PRELID2: variants seen among roughly 807,000 people sequenced by gnomAD.
PRELID2 encodes PRELI domain containing 2.
A neutral mutation model predicts 28.4 loss-of-function variants in PRELID2; 25 were observed. The observed-to-expected ratio is 0.88, with a 90% confidence interval of 0.64 to 1.23. The LOEUF (loss-of-function observed/expected upper bound fraction) is 1.23. Ranked by LOEUF, PRELID2 falls within the 50% of genes most tolerant of loss-of-function variation. The pLI, the probability that PRELID2 is intolerant of heterozygous loss-of-function variation, is 0.00. For synonymous variants in PRELID2, 76 were observed against 71.6 expected, an observed-to-expected ratio of 1.06 and a Z score of -0.31; for missense variants, 201 against 214.4, an observed-to-expected ratio of 0.94 and a Z score of 0.39.
At chr5:145,700,021 C>T (rs944247967) in intron 1 of PRELID2, among the ~76,000 whole-genome samples, 4 of 152,132 alleles carry the variant, frequency 2.6e-5, no homozygotes, top group African/African-American at 9.7e-5. Flanking sequence ...AGAGCAACCA[C>T]AGACATGGAT....
chr5:145,807,871 T>C (rs1037679667), intron 4 of PRELID2, among the ~76,000 whole-genome samples: 2 of 152,240 alleles, frequency 1.3e-5, no homozygotes, highest in South Asian at 2.1e-4. Flanking sequence ...GTGACCTCAG[T>C]GCACAGCCAC....
At chr5:145,735,876 T>G (rs185613985) in intron 1 of PRELID2, among the ~76,000 whole-genome samples, 147 of 152,314 alleles carry the variant, frequency 9.7e-4, no homozygotes, top group African/African-American at 3.5e-3. Context: ...AAATGGATGA[T>G]CAGCATGACC....
At chr5:145,607,831 T>C (rs1444453799) in intron 1 of PRELID2, among the ~76,000 whole-genome samples, 2 of 152,200 alleles carry the variant, frequency 1.3e-5, no homozygotes, top group Non-Finnish European at 2.9e-5. Context: ...TGTCTAATAC[T>C]GTCAGTGGGG....
At chr5:145,528,396 C>A (rs1036162149) in intron 1 of PRELID2, among the ~76,000 whole-genome samples, 2 of 152,040 alleles carry the variant, frequency 1.3e-5, no homozygotes, top group Non-Finnish European at 2.9e-5. Flanking sequence ...ATAAATAAAT[C>A]TATAATGACG....
chr5:145,768,136 A>T (rs990556264), intron 5 of PRELID2, among the ~76,000 whole-genome samples: 8 of 151,202 alleles, frequency 5.3e-5, no homozygotes, highest in African/African-American at 1.9e-4. Flanking sequence ...AAGACAGGAG[A>T]ATTGCTTGAA....
intron 1 of PRELID2, among the ~76,000 whole-genome samples, chr5:145,522,243 A>G (rs1424993250): frequency 6.6e-6 from 1 of 152,190 alleles, no homozygotes; most frequent in African/African-American, 2.4e-5. Context: ...ATATCTATCC[A>G]GTCCCTTTTG....
chr5:145,311,727 T>C, the PRELID2 span, among the ~76,000 whole-genome samples: 30 of 152,252 alleles, frequency 2.0e-4, no homozygotes, highest in Admixed American at 9.2e-4. Context: ...TGTTGAGTGA[T>C]TCCCATTACT....
intron 1 of PRELID2, among the ~76,000 whole-genome samples, chr5:145,541,538 C>A (rs1752745312): frequency 1.3e-5 from 2 of 151,936 alleles, no homozygotes; most frequent in African/African-American, 2.4e-5. Context: ...CAGAATGATT[C>A]CATGATGTTT....
chr5:145,501,759 A>C (rs985678828), intron 1 of PRELID2, among the ~76,000 whole-genome samples: 20 of 152,142 alleles, frequency 1.3e-4, no homozygotes, highest in African/African-American at 4.1e-4. Flanking sequence ...CCTAATTCAT[A>C]AGTGTCACCT....
chr5:145,387,478 G>C, the PRELID2 span, among the ~76,000 whole-genome samples: 1 of 152,108 alleles, frequency 6.6e-6, no homozygotes, highest in Non-Finnish European at 1.5e-5. Context: ...ACTTGACCCA[G>C]GGATGTTAGA....
intron 4 of PRELID2, among the ~76,000 whole-genome samples, chr5:145,817,639 A>C (rs1211980492): frequency 6.6e-6 from 1 of 151,990 alleles, no homozygotes; most frequent in Non-Finnish European, 1.5e-5. Flanking sequence ...GCAAACTGAT[A>C]ACACTCACTA....
At chr5:145,665,477 C>T (rs1310812156) in intron 1 of PRELID2, among the ~76,000 whole-genome samples, 3 of 152,120 alleles carry the variant, frequency 2.0e-5, no homozygotes, top group Admixed American at 6.6e-5. Context: ...TCTGCTTACA[C>T]GTCTCCATAC....
the PRELID2 span, among the ~76,000 whole-genome samples, chr5:145,249,069 A>C: frequency 6.6e-6 from 1 of 152,150 alleles, no homozygotes; most frequent in Non-Finnish European, 1.5e-5. Flanking sequence ...TATTTTCTGC[A>C]CATTAATAAG....
At chr5:145,831,895 A>G (rs1237500408) in intron 1 of PRELID2, among the ~76,000 whole-genome samples, 1 of 152,230 alleles carries the variant, frequency 6.6e-6, no homozygotes, top group Non-Finnish European at 1.5e-5. Flanking sequence ...GAATACAGCT[A>G]CATAAGTGAC....
At chr5:145,738,095 C>A (rs1219816268) in intron 1 of PRELID2, among the ~76,000 whole-genome samples, 1 of 152,118 alleles carries the variant, frequency 6.6e-6, no homozygotes, top group African/African-American at 2.4e-5. Context: ...AACTCCCACT[C>A]CCATCAAATG....
intron 1 of PRELID2, among the ~76,000 whole-genome samples, chr5:145,710,475 G>C (rs994701863): frequency 1.3e-5 from 2 of 152,176 alleles, no homozygotes; most frequent in Admixed American, 6.6e-5. Context: ...CTAGCTCTAA[G>C]ATTCTGATTG....
chr5:145,275,358 C>T, the PRELID2 span, among the ~76,000 whole-genome samples: 1 of 152,032 alleles, frequency 6.6e-6, no homozygotes, highest in Non-Finnish European at 1.5e-5. Flanking sequence ...GTGAGACATA[C>T]TGCAAAGAGG....
intron 1 of PRELID2, among the ~76,000 whole-genome samples, chr5:145,737,677 G>A (rs900119005): frequency 6.6e-6 from 1 of 152,114 alleles, no homozygotes; most frequent in Non-Finnish European, 1.5e-5. Flanking sequence ...ATGTTTAGAA[G>A]ATAACCTCTG....
chr5:145,385,034 G>C, the PRELID2 span, among the ~76,000 whole-genome samples: 46,630 of 151,954 alleles, frequency 0.31, 7,661 homozygotes, highest in East Asian at 0.7. Context: ...AAGGTACAGT[G>C]TAAGAGTGAA....
Sources: allele counts gnomAD v4.1 joint callset (sites outside exome capture counted in the v4.1 genomes callset), GRCh38; gene constraint gnomAD v4.1.1; transcripts MANE v1.5; gene names NCBI Gene and HGNC (gene_info 2026-07-23, HGNC 2026-07-21).